The following STK3 variants were observed in gnomAD, a reference collection of about 807,000 sequenced individuals.
The protein encoded by STK3 is serine/threonine-protein kinase 3.
In STK3, 41 loss-of-function variants were observed where a neutral mutation model predicts 58.0. That is an observed-to-expected ratio of 0.71 (90% CI 0.55 to 0.92). STK3 has a LOEUF of 0.92. Ranked by LOEUF, STK3 falls within the 40% of genes least tolerant of loss-of-function variation. The pLI, the probability that STK3 is intolerant of heterozygous loss-of-function variation, is 0.00. For synonymous variants in STK3, 170 were observed against 191.0 expected, an observed-to-expected ratio of 0.89 and a Z score of 0.91; for missense variants, 479 against 602.7, an observed-to-expected ratio of 0.79 and a Z score of 2.15.
chr8:98,654,208 C>A (rs1364225851), intron 6 of STK3, among the ~76,000 whole-genome samples: 1 of 152,122 alleles, frequency 6.6e-6, no homozygotes, highest in Non-Finnish European at 1.5e-5. Flanking sequence ...TAATCCAGCA[C>A]AGAAACAGAA....
chr8:98,692,650 T>C (rs1015123226), intron 6 of STK3, among the ~76,000 whole-genome samples: 1 of 152,240 alleles, frequency 6.6e-6, no homozygotes, highest in Non-Finnish European at 1.5e-5. Flanking sequence ...TGGTAATGAT[T>C]GCACAATAAT....
intron 1 of STK3, among the ~76,000 whole-genome samples, chr8:98,923,130 A>G (rs1839636222): frequency 6.6e-6 from 1 of 152,220 alleles, no homozygotes; most frequent in Admixed American, 6.5e-5. Context: ...GAAAGGTTTT[A>G]AATATATCTA....
intron 8 of STK3, among the ~76,000 whole-genome samples, chr8:98,562,056 C>T (rs1812079146): frequency 6.6e-6 from 1 of 152,100 alleles, no homozygotes; most frequent in African/African-American, 2.4e-5. Context: ...ACTCTCATTC[C>T]TTGGTTAGTA....
intron 1 of STK3, among the ~76,000 whole-genome samples, chr8:98,387,474 C>T (rs553631505): frequency 2.0e-5 from 3 of 152,324 alleles, no homozygotes; most frequent in Non-Finnish European, 2.9e-5. Context: ...AGACACTGGG[C>T]GTGGTGGCTT....
At chr8:98,538,552 G>T (rs1436198232) in intron 9 of STK3, among the ~76,000 whole-genome samples, 3 of 152,118 alleles carry the variant, frequency 2.0e-5, no homozygotes, top group Non-Finnish European at 4.4e-5. Flanking sequence ...CTCCAATGAA[G>T]TCAGAATAGA....
At chr8:98,443,540 T>C (rs1433686971) in intron 1 of STK3, among the ~76,000 whole-genome samples, 1 of 152,130 alleles carries the variant, frequency 6.6e-6, no homozygotes, top group African/African-American at 2.4e-5. Flanking sequence ...AGTTAAAAAT[T>C]GGGTTTCTAA....
At chr8:98,855,143 C>T (rs971514230) in intron 3 of STK3, among the ~76,000 whole-genome samples, 1 of 152,194 alleles carries the variant, frequency 6.6e-6, no homozygotes, top group Non-Finnish European at 1.5e-5. Flanking sequence ...ATCATCTCAC[C>T]TGACAGCTTT....
chr8:98,361,822 G>C, the STK3 span, among the ~76,000 whole-genome samples: 1,498 of 152,298 alleles, frequency 9.8e-3, 18 homozygotes, highest in African/African-American at 0.034. Context: ...GAGCTGCAGG[G>C]ACAGGCCTTC....
intron 3 of STK3, among the ~76,000 whole-genome samples, chr8:98,870,184 T>A (rs868757469): frequency 6.6e-6 from 1 of 152,242 alleles, no homozygotes. Flanking sequence ...TCATCCTTTT[T>A]TATGGCTGCA....
intron 10 of STK3, among the ~76,000 whole-genome samples, chr8:98,470,090 C>T (rs940266284): frequency 2.0e-5 from 3 of 152,160 alleles, no homozygotes; most frequent in South Asian, 2.1e-4. Flanking sequence ...ACAAGAACAC[C>T]GTGAGTGAAC....
At chr8:98,343,983 CATT>C in the STK3 span, among the ~76,000 whole-genome samples, 1 of 152,054 alleles carries the variant, frequency 6.6e-6, no homozygotes, top group Non-Finnish European at 1.5e-5. Flanking sequence ...AATTTATTAT[CATT>C]ATTATATTAT....
chr8:98,792,156 A>T (rs1336606280), intron 1 of STK3, among the ~76,000 whole-genome samples: 6 of 152,238 alleles, frequency 3.9e-5, no homozygotes, highest in Non-Finnish European at 8.8e-5. Flanking sequence ...GGACATGAAT[A>T]GACAATTCTC....
intron 4 of STK3, among the ~76,000 whole-genome samples, chr8:98,715,900 A>T (rs1826970120): frequency 6.6e-6 from 1 of 152,204 alleles, no homozygotes. Context: ...CAACAATGAT[A>T]GACTGGATTA....
chr8:98,500,892 T>C (rs529745073), intron 10 of STK3, among the ~76,000 whole-genome samples: 4 of 152,304 alleles, frequency 2.6e-5, no homozygotes, highest in East Asian at 1.9e-4. Flanking sequence ...GTCTTTATAG[T>C]AGCATGATTT....
intron 1 of STK3, among the ~76,000 whole-genome samples, chr8:98,923,848 TGTGTGTGCGCGCGCGCGCGC>T (rs949832366): frequency 1.7e-5 from 2 of 120,174 alleles, no homozygotes; most frequent in African/African-American, 6.7e-5. Context: ...TGTGTGTGTG[TGTGTGTGCGCGCGCGCGCGC>T]GCGCGCGCGT....
chr8:98,596,004 T>C, intron 7 of STK3, 28 bp downstream of exon 7: 1 of 1,600,810 alleles, frequency 6.2e-7, no homozygotes, highest in South Asian at 1.1e-5. Flanking sequence ...GAAGAAAATA[T>C]CCTTCCCTTC....
At chr8:98,404,125 C>A (rs895056565) in intron 3 of STK3, among the ~76,000 whole-genome samples, 1 of 152,184 alleles carries the variant, frequency 6.6e-6, no homozygotes, top group African/African-American at 2.4e-5. Context: ...ATATTGCCTC[C>A]ATTTACAGCG....
At chr8:98,620,370 G>C (rs1342587809) in intron 6 of STK3, among the ~76,000 whole-genome samples, 1 of 141,968 alleles carries the variant, frequency 7.0e-6, no homozygotes, top group Non-Finnish European at 1.5e-5. Context: ...AATGCTAGAT[G>C]ACGAGTTAGT....
intron 1 of STK3, chr8:98,782,221 C>A: frequency 5.5e-6 from 1 of 180,604 alleles, no homozygotes. Context: ...CGTTCCTGGG[C>A]TCACTGCCAA....
Sources: allele counts gnomAD v4.1 joint callset (sites outside exome capture counted in the v4.1 genomes callset), GRCh38; gene constraint gnomAD v4.1.1; transcripts MANE v1.5; gene names NCBI Gene and HGNC (gene_info 2026-07-23, HGNC 2026-07-21).